SPX: variants seen among roughly 807,000 people sequenced by gnomAD.
The protein encoded by SPX is spexin.
A neutral mutation model predicts 19.2 loss-of-function variants in SPX; 22 were observed. The ratio of observed to expected loss-of-function variants is 1.15; its 90% CI spans 0.82 to 1.64. The LOEUF (loss-of-function observed/expected upper bound fraction) is 1.64. Ranked by LOEUF, SPX falls within the 40% of genes most tolerant of loss-of-function variation. The probability of loss-of-function intolerance (pLI) is 0.00; values close to 1 mark genes in which losing one functional copy is unlikely to be tolerated. For missense variants in SPX, 143 were observed against 137.7 expected (o/e 1.04, Z -0.19); for synonymous variants, 50 against 53.3 (o/e 0.94, Z 0.27).
chr12:21,530,067 T>C (rs144459103), intron 5 of SPX, among the ~76,000 whole-genome samples: 213 of 152,340 alleles, frequency 1.4e-3, no homozygotes, highest in African/African-American at 5.0e-3. Flanking sequence ...CCATCTCAAG[T>C]CTTTTTTGGA....
intron 3 of SPX, chr12:21,527,526 C>T: frequency 1.6e-6 from 1 of 631,110 alleles, no homozygotes; most frequent in Non-Finnish European, 2.8e-6. Context: ...GCGGGGCTTT[C>T]CTCCAGAGCT....
At chr12:21,529,939 T>A (rs940575943) in intron 5 of SPX, among the ~76,000 whole-genome samples, 13 of 152,152 alleles carry the variant, frequency 8.5e-5, no homozygotes, top group African/African-American at 3.1e-4. Flanking sequence ...GATTTGATTG[T>A]TGGGAAAATG....
rs1373286147 is a variant in SPX, at chr12:21,527,196, A to G, written c.145+4A>G. 5 of 1,613,212 alleles carry G rather than the reference A, an allele frequency of 3.1e-6. No individual in the cohort carries two copies. The highest frequency in any genetic ancestry group is 4.2e-6 in the Non-Finnish European group (5 of 1,179,236). On this transcript the variant is annotated splice_donor_region_variant and intron_variant, in intron 3 of 5. Coordinates refer to ENST00000256969, the MANE Select transcript of SPX (RefSeq NM_030572.4). ...ATGCTCTACCTGAAAGGGGCACGTA[A>G]GTTCCAAATATTTCGCTCTTCCTAC...
At chr12:21,529,629 T>G (rs896494577) in intron 5 of SPX, among the ~76,000 whole-genome samples, 1 of 152,164 alleles carries the variant, frequency 6.6e-6, no homozygotes, top group South Asian at 2.1e-4. Flanking sequence ...GTCACAGGAC[T>G]TCCCCCCACC....
rs926353709 is a variant in SPX, at chr12:21,527,287, G to A, written c.145+95G>A. On this transcript the variant is annotated intron_variant, in intron 3 of 5. Coordinates refer to ENST00000256969, the MANE Select transcript of SPX (RefSeq NM_030572.4). ...AGAGTTATGGAGAGAGAATAATGTC[G>A]AGTTTATTCCCTTAAATCATCGAGG... 2.3e-6 allele frequency: 3 copies of A among 1,281,822 alleles called. No individual in the cohort carries two copies. The African/African-American group carries it at 4.4e-5, about 19-fold the overall frequency. 79.4% of individuals were successfully genotyped at this position (1,281,822 alleles called of 1,614,324 possible).
rs780278792 is a variant in SPX, at chr12:21,526,958, G to T, written c.79G>T (p.Ala27Ser). Residue 27 changes from alanine (A) to serine (S), a missense_variant, in exon 2 of 6, where the codon GCT becomes TCT. Coordinates refer to ENST00000256969, the MANE Select transcript of SPX (RefSeq NM_030572.4). ...TGTTTTCCTGGGAAACTCCAGCTGC[G>T]CTCCGCAGGTAATCAAATGCAAAAT... ...VFVFLGNSSC[A>S]PQRLLERRNW... The T allele has an allele frequency of 1.1e-5, 17 of 1,614,110 alleles. No homozygotes were observed. Among genetic ancestry groups the T allele is most frequent in the Non-Finnish European group, 1.3e-5 (15 of 1,179,968 alleles).
chr12:21,527,630 C>A, intron 3 of SPX, 97 bp from the exon 4 acceptor site: 1 of 1,278,186 alleles, frequency 7.8e-7, no homozygotes, highest in Admixed American at 2.0e-5. Flanking sequence ...GCCCCCTCCC[C>A]ACGCCCGGGG....
Position 21,532,754 on chromosome 12 carries a change from C to T in SPX, c.*1559C>T, listed in dbSNP as rs1565588217. Reference sequence around the variant, plus strand: ...ATGTGTATTCAAAGAACACTTTTAACATCTATCTTATGAAATAATTCTTCC... The same window carrying T: ...ATGTGTATTCAAAGAACACTTTTAATATCTATCTTATGAAATAATTCTTCC... On this transcript the variant is annotated 3_prime_UTR_variant, in exon 6 of 6. Transcript: ENST00000256969. 1 of 152,172 alleles carries T rather than the reference C, an allele frequency of 6.6e-6. No homozygotes were observed. The highest frequency in any genetic ancestry group is 2.4e-5 in the African/African-American group (1 of 41,458). 9.4% of individuals were successfully genotyped at this position (152,172 alleles called of 1,614,324 possible).
chr12:21,527,477 A>G (rs1425967745), intron 3 of SPX: 5 of 594,856 alleles, frequency 8.4e-6, no homozygotes, highest in Non-Finnish European at 1.5e-5. Flanking sequence ...CAGTAACCCG[A>G]CCTCCGCTCC....
chr12:21,526,969 A>G lies in SPX; in HGVS notation c.87+3A>G. ...GAAACTCCAGCTGCGCTCCGCAGGT[A>G]ATCAAATGCAAAATAAAAAATTTTA... On this transcript the variant is annotated splice_donor_region_variant and intron_variant, in intron 2 of 5. Transcript: ENST00000256969. 6.2e-7 allele frequency: 1 copy of G among 1,613,842 alleles called. No individual in the cohort carries two copies. The highest frequency in any genetic ancestry group is 8.5e-7 in the Non-Finnish European group (1 of 1,179,696).
Position 21,531,329 on chromosome 12 carries a change from C to T in SPX, c.*134C>T, listed in dbSNP as rs3765092. 823 of 627,408 alleles carry T rather than the reference C, an allele frequency of 1.3e-3. 13 individuals carry two copies. In the East Asian group the frequency reaches 0.024, roughly 18 times the overall value. The allele number at this position is 627,408 out of a possible 1,614,324, so 38.9% of individuals were successfully genotyped here. ...ACAGATAGTTTTATTCTTTCAGAAA[C>T]AAAATATATATAGGATGCTTAGCTG... On this transcript the variant is annotated 3_prime_UTR_variant, in exon 6 of 6. Transcript: ENST00000256969.
chr12:21,527,222 A>T, intron 3 of SPX, 30 bp downstream of exon 3: 2 of 1,595,148 alleles, frequency 1.3e-6, no homozygotes, highest in Non-Finnish European at 1.7e-6. Context: ...CTCTTCCTAC[A>T]ATAATGGAAG....
chr12:21,529,856 A>T (rs1943847113), intron 5 of SPX, among the ~76,000 whole-genome samples: 1 of 152,200 alleles, frequency 6.6e-6, no homozygotes, highest in Non-Finnish European at 1.5e-5. Flanking sequence ...AAAACCCAAG[A>T]CATGGAACCC....
In SPX at chr12:21,529,041, G is replaced by A; in HGVS notation, c.249G>A (p.Glu83=). The change falls in exon 5 of 6, where the codon GAG becomes GAA. Residue 83 remains glutamate, a synonymous_variant. Coordinates refer to ENST00000256969, the MANE Select transcript of SPX (RefSeq NM_030572.4). ...ATCCCCAACTACTAACTATTCCGGA[G>A]GCAGCAACCATCTTACTGGCGTCCC... The part of the protein sequence containing the change: ...SPNPQLLTIP[E]AATILLASLQ... The A allele has an allele frequency of 6.2e-7, 1 of 1,614,124 alleles. No individual in the cohort carries two copies. The highest frequency in any genetic ancestry group is 2.2e-5 in the East Asian group (1 of 44,874).
At chr12:21,527,535 C>T in intron 3 of SPX, 192 bp from the exon 4 acceptor site, 3 of 641,722 alleles carry the variant, frequency 4.7e-6, no homozygotes, top group Non-Finnish European at 8.2e-6. Flanking sequence ...TCCTCCAGAG[C>T]TCCAGGGCCC....
At chr12:21,530,507 T>G (rs915892242) in intron 5 of SPX, among the ~76,000 whole-genome samples, 1 of 152,220 alleles carries the variant, frequency 6.6e-6, no homozygotes, top group African/African-American at 2.4e-5. Flanking sequence ...CCCTGGCCAC[T>G]GCTTCTCCCT....
chr12:21,527,625 C>T, intron 3 of SPX, 102 bp from the exon 4 acceptor site: 3 of 1,219,468 alleles, frequency 2.5e-6, no homozygotes, highest in African/African-American at 3.0e-5. Flanking sequence ...AACCTGCCCC[C>T]TCCCCACGCC....
chr12:21,529,626 G>A (rs1051652646), intron 5 of SPX, among the ~76,000 whole-genome samples: 3 of 152,122 alleles, frequency 2.0e-5, no homozygotes, highest in Non-Finnish European at 1.5e-5. Context: ...TGTGTCACAG[G>A]ACTTCCCCCC....
intron 5 of SPX, 97 bp downstream of exon 5, chr12:21,529,181 T>C: frequency 2.4e-6 from 3 of 1,236,350 alleles, no homozygotes; most frequent in Non-Finnish European, 3.5e-6. Context: ...CCAGAATTTC[T>C]TGGCCTTAGG....
Sources: gnomAD v4.1 joint callset for allele counts (sites outside exome capture counted in the v4.1 genomes callset) on GRCh38, gnomAD v4.1.1 for gene constraint, MANE v1.5 for transcripts, NCBI Gene and HGNC (gene_info 2026-07-23, HGNC 2026-07-21) for gene names.